DYNC1H1: variants seen among roughly 807,000 people sequenced by gnomAD.
DYNC1H1 encodes cytoplasmic dynein 1 heavy chain 1.
DYNC1H1 carries 51 observed loss-of-function variants against 527.1 expected under a neutral mutation model. That is an observed-to-expected ratio of 0.10 (90% confidence interval 0.08 to 0.12). The LOEUF is 0.12. DYNC1H1 is among the 10% of genes least tolerant of loss of function. The pLI, the probability that DYNC1H1 is intolerant of heterozygous loss-of-function variation, is 1.00. For missense variants in DYNC1H1, 2,771 were observed against 5,971.8 expected (o/e 0.46, Z 17.66); for synonymous variants, 2,189 against 2,278.8 (o/e 0.96, Z 1.12).
intron 4 of DYNC1H1, 145 bp downstream of exon 4, chr14:101,980,119 G>A: frequency 3.7e-6 from 5 of 1,342,772 alleles, no homozygotes; most frequent in Non-Finnish European, 4.1e-6. Flanking sequence ...TCCAGTGCAG[G>A]ACTAGCCTTG....
chr14:101,984,399 ATATG>A (rs1220811079), intron 7 of DYNC1H1, among the ~76,000 whole-genome samples: 104 of 87,530 alleles, frequency 1.2e-3, no homozygotes, highest in Non-Finnish European at 1.7e-3. Flanking sequence ...ATATGCGTAT[ATATG>A]TGTGTGTGTG....
At chr14:101,993,672 C>A (rs2048024059) in intron 11 of DYNC1H1, among the ~76,000 whole-genome samples, 1 of 152,166 alleles carries the variant, frequency 6.6e-6, no homozygotes, top group African/African-American at 2.4e-5. Context: ...CAATTCTCCC[C>A]TTCTCAGCAA....
At chr14:101,999,960 C>T in intron 16 of DYNC1H1, 29 bp from the exon 17 acceptor site, 1 of 1,613,962 alleles carries the variant, frequency 6.2e-7, no homozygotes, top group East Asian at 2.2e-5. Context: ...ACATTGTGCT[C>T]CAATTCTCTG....
chr14:102,046,502 G>A (rs913024055), intron 72 of DYNC1H1, among the ~76,000 whole-genome samples: 28 of 135,234 alleles, frequency 2.1e-4, no homozygotes, highest in African/African-American at 5.7e-4. Flanking sequence ...GGCGAGCTGG[G>A]CGGGTCTGGA....
At position 102,029,745 on chromosome 14, in the gene DYNC1H1, G is replaced by A; in HGVS notation, c.9642+33G>A. The A allele has an allele frequency of 1.2e-6, 2 of 1,614,178 alleles. No homozygotes were observed. Among genetic ancestry groups the A allele is most frequent in the Non-Finnish European group, 1.7e-6 (2 of 1,180,044 alleles). ...ACAGGCACAAATTCCTCACGGGAGT[G>A]AGCTGCAGTGAGGACCCCTTTCCAT... On this transcript the variant is annotated intron_variant, in intron 49 of 77. Coordinates refer to ENST00000360184, the MANE Select transcript of DYNC1H1 (RefSeq NM_001376.5). This position sits in a 1 kb window ranked among gnomAD's most constrained non-coding sequence, Gnocchi z 5.3.
At position 102,029,275 on chromosome 14, in the gene DYNC1H1, G is replaced by A; in HGVS notation, c.9469-264G>A. ...TTCTATAGTAACTGACATTTGTGAT[G>A]CCTTTTCACATAAGTACACCTCTAA... On this transcript the variant is annotated intron_variant, in intron 48 of 77. Transcript: ENST00000360184. The surrounding 1 kb of genome is among the most constrained non-coding windows in gnomAD (Gnocchi z 5.3). 1.9e-6 allele frequency: 1 copy of A among 513,798 alleles called. No homozygotes were observed. The highest frequency in any genetic ancestry group is 3.5e-6 in the Non-Finnish European group (1 of 283,728). 31.8% of individuals were successfully genotyped at this position (513,798 alleles called of 1,614,324 possible).
chr14:102,043,698 G>A lies in DYNC1H1; in HGVS notation c.12514-177G>A, dbSNP rs79664826. ...TTCTGATGGTCTCATTGGATGACAC[G>A]TCTATTAATAGAAAAGTTGGCATAC... On this transcript the variant is annotated intron_variant, in intron 69 of 77. Coordinates refer to ENST00000360184, the MANE Select transcript of DYNC1H1 (RefSeq NM_001376.5). 4,244 of 733,114 alleles carry A rather than the reference G, an allele frequency of 5.8e-3. 13 individuals carry two copies. The highest frequency in any genetic ancestry group is 7.9e-3 in the Non-Finnish European group (3,396 of 431,806). The allele number at this position is 733,114 out of a possible 1,614,324, so 45.4% of individuals were successfully genotyped here. A position where few individuals can be genotyped will look rare whatever the true frequency, so the allele number is the denominator to read the frequency against.
chr14:102,034,874 C>T (rs548504987), intron 56 of DYNC1H1: 4 of 295,044 alleles, frequency 1.4e-5, no homozygotes, highest in South Asian at 9.8e-5. Flanking sequence ...TGCGGTGAGC[C>T]GAGATCACGC....
chr14:102,029,806 C>G lies in DYNC1H1; in HGVS notation c.9643-13C>G. ...CATGTTTCTCGTCTCTGAGTGTGGG[C>G]TTTGCTCTTTAGGTAGAAGAACTGC... On this transcript the variant is annotated splice_polypyrimidine_tract_variant and intron_variant, in intron 49 of 77. Transcript: ENST00000360184. The surrounding 1 kb of genome is among the most constrained non-coding windows in gnomAD (Gnocchi z 5.3). 6.2e-7 allele frequency: 1 copy of G among 1,614,166 alleles called. No homozygotes were observed. Among genetic ancestry groups the G allele is most frequent in the Non-Finnish European group, 8.5e-7 (1 of 1,180,048 alleles).
chr14:101,973,307 A>C (rs1408256398), intron 1 of DYNC1H1, among the ~76,000 whole-genome samples: 2 of 151,368 alleles, frequency 1.3e-5, no homozygotes, highest in South Asian at 2.1e-4. Context: ...TACAGGTGCC[A>C]ACCACCACAC....
intron 4 of DYNC1H1, 126 bp downstream of exon 4, chr14:101,980,100 C>A: frequency 6.9e-7 from 1 of 1,444,206 alleles, no homozygotes; most frequent in Non-Finnish European, 9.5e-7. Context: ...CCTCTTGGTC[C>A]TGGGACTGTC....
intron 1 of DYNC1H1, among the ~76,000 whole-genome samples, chr14:101,971,725 C>CA (rs1423837443): frequency 3.3e-5 from 5 of 151,500 alleles, no homozygotes; most frequent in South Asian, 2.1e-4. Context: ...GATCCTGTCT[C>CA]AAAAAAAATA....
Position 102,044,462 on chromosome 14 carries a change from TAA to T in DYNC1H1, c.12875_12876del (p.Lys4292ArgfsTer50). 1 of 1,614,134 alleles carries T rather than the reference TAA, an allele frequency of 6.2e-7. No homozygotes were observed. The highest frequency in any genetic ancestry group is 8.5e-7 in the Non-Finnish European group (1 of 1,180,016). Reference protein sequence around the residue: ...FKLACKVDGHKDIQMPDGIRR... With the variant: ...FKLACKVDGHXDIQMPDGIRR... ...AGCTGGCATGCAAGGTCGACGGACATAAAGACATTCAAATGCCAGATGGCATC... is the reference window on the plus strand; with the variant it reads ...AGCTGGCATGCAAGGTCGACGGACATAGACATTCAAATGCCAGATGGCATC... On this transcript the variant is annotated frameshift_variant, in exon 71 of 78. Transcript: ENST00000360184. LOFTEE classifies it high-confidence loss of function. This position sits in a 1 kb window ranked among gnomAD's most constrained non-coding sequence, Gnocchi z 7.1.
intron 42 of DYNC1H1, among the ~76,000 whole-genome samples, chr14:102,022,092 C>T (rs944669797): frequency 3.3e-5 from 5 of 150,428 alleles, no homozygotes; most frequent in South Asian, 2.1e-4. Context: ...GCCAAGATCG[C>T]GCCACTGCAC....
In DYNC1H1 at chr14:102,033,004, A is replaced by G. The variant is rs772077417; in HGVS notation, c.10080-61A>G. 1.3e-6 allele frequency: 2 copies of G among 1,549,746 alleles called. No individual in the cohort carries two copies. The highest frequency in any genetic ancestry group is 1.7e-4 in the Middle Eastern group (1 of 5,924). The stretch of plus-strand genomic sequence containing the variant: ...CTCTGGTCTCTTCCATTTTAATTTT[A>G]TGAAAACTCTTCCTTGCTTTTGTCC... On this transcript the variant is annotated intron_variant, in intron 52 of 77. Coordinates refer to ENST00000360184, the MANE Select transcript of DYNC1H1 (RefSeq NM_001376.5). This position sits in a 1 kb window ranked among gnomAD's most constrained non-coding sequence, Gnocchi z 5.6.
chr14:101,992,449 C>A (rs1050308293), intron 11 of DYNC1H1, among the ~76,000 whole-genome samples: 11 of 152,198 alleles, frequency 7.2e-5, no homozygotes, highest in African/African-American at 2.7e-4. Context: ...GCATCATTCT[C>A]ATCATGTTAC....
intron 4 of DYNC1H1, 95 bp from the exon 5 acceptor site, chr14:101,980,263 GAAATAT>G: frequency 6.9e-7 from 1 of 1,440,782 alleles, no homozygotes. Context: ...AAATCTACTT[GAAATAT>G]AAAAATTGAG....
In DYNC1H1 at chr14:102,033,358, G is replaced by A; in HGVS notation, c.10287G>A (p.Lys3429=). 1 of 1,614,232 alleles carries A rather than the reference G, an allele frequency of 6.2e-7. No homozygotes were observed. The highest frequency in any genetic ancestry group is 8.5e-7 in the Non-Finnish European group (1 of 1,180,048). ...LEDDAKDNQQ[K]ANEVEQMIRD... is the part of the protein sequence containing the mutation. The stretch of plus-strand genomic sequence containing the variant: ...ATGACGCCAAGGACAACCAGCAGAA[G>A]GCCAACGAGGTGGAGCAGATGATCC... Residue 3429 remains lysine (K), a synonymous_variant, in exon 54 of 78, where the codon AAG becomes AAA. Coordinates refer to ENST00000360184, the MANE Select transcript of DYNC1H1 (RefSeq NM_001376.5). This position sits in a 1 kb window ranked among gnomAD's most constrained non-coding sequence, Gnocchi z 5.6.
In DYNC1H1 at chr14:102,010,239, C is replaced by G; in HGVS notation, c.6222-37C>G. 1 of 1,613,592 alleles carries G rather than the reference C, an allele frequency of 6.2e-7. No homozygotes were observed. The highest frequency in any genetic ancestry group is 2.2e-5 in the East Asian group (1 of 44,882). ...TGACCCTATTATTGCTTAAAGTATA[C>G]TGTTATTAAAGATAGCCTTTTTTTC... On this transcript the variant is annotated intron_variant, in intron 30 of 77. Coordinates refer to ENST00000360184, the MANE Select transcript of DYNC1H1 (RefSeq NM_001376.5). The surrounding 1 kb of genome is among the most constrained non-coding windows in gnomAD (Gnocchi z 6.0).
Sources: gnomAD v4.1 joint callset for allele counts (sites outside exome capture counted in the v4.1 genomes callset) on GRCh38, gnomAD v4.1.1 for gene constraint, Gnocchi (gnomAD v3.1) non-coding constraint, MANE v1.5 for transcripts, NCBI Gene and HGNC (gene_info 2026-07-23, HGNC 2026-07-21) for gene names.